Variants in RBFOX1 observed in about 807,000 individuals in gnomAD.
The protein encoded by RBFOX1 is RNA binding fox-1 homolog 1, also known as RNA binding protein fox-1 homolog 1.
In RBFOX1, 8 loss-of-function variants were observed where a neutral mutation model predicts 57.7. The observed-to-expected ratio is 0.14, with a 90% confidence interval of 0.08 to 0.25. The LOEUF (loss-of-function observed/expected upper bound fraction) is 0.25, where lower values mean the gene tolerates loss of function less well. Among genes scored for constraint, RBFOX1 ranks in the 10% least tolerant of loss-of-function variants. RBFOX1 has a pLI of 1.00. For synonymous variants in RBFOX1, 326 were observed against 222.4 expected, an observed-to-expected ratio of 1.47 and a Z score of -4.15; for missense variants, 611 against 548.5, an observed-to-expected ratio of 1.11 and a Z score of -1.14.
intron 2 of RBFOX1, among the ~76,000 whole-genome samples, chr16:6,452,375 C>T (rs967175893): frequency 3.9e-5 from 6 of 151,934 alleles, no homozygotes; most frequent in African/African-American, 1.4e-4. Context: ...TGGCTCTCTT[C>T]TTTCCATGTC....
chr16:7,396,319 G>T (rs1187151967), intron 4 of RBFOX1, among the ~76,000 whole-genome samples: 11 of 152,182 alleles, frequency 7.2e-5, no homozygotes, highest in Admixed American at 6.5e-4. Context: ...CTGAGCAACA[G>T]TGTAAACGGG....
intron 4 of RBFOX1, among the ~76,000 whole-genome samples, chr16:7,205,272 C>CT (rs1159473252): frequency 6.6e-6 from 1 of 152,000 alleles, no homozygotes; most frequent in Non-Finnish European, 1.5e-5. Flanking sequence ...AATCCCAGTG[C>CT]TTAGGGAGGC....
intron 2 of RBFOX1, among the ~76,000 whole-genome samples, chr16:6,569,334 T>A (rs2097311942): frequency 6.6e-6 from 1 of 152,226 alleles, no homozygotes; most frequent in Non-Finnish European, 1.5e-5. Flanking sequence ...CCTAGTAGTA[T>A]CTACCTCATG....
intron 2 of RBFOX1, among the ~76,000 whole-genome samples, chr16:6,606,881 G>A (rs192510690): frequency 8.5e-5 from 13 of 152,228 alleles, no homozygotes; most frequent in Admixed American, 7.2e-4. Flanking sequence ...CCAGTAATAG[G>A]ATTGCTGGGT....
chr16:7,609,649 G>A (rs934326526), intron 10 of RBFOX1, among the ~76,000 whole-genome samples: 9 of 152,118 alleles, frequency 5.9e-5, no homozygotes, highest in South Asian at 2.1e-4. Context: ...TGTATTTAAT[G>A]CTCATGGCGA....
At chr16:6,985,172 G>C (rs896165893) in intron 3 of RBFOX1, among the ~76,000 whole-genome samples, 2 of 134,600 alleles carry the variant, frequency 1.5e-5, no homozygotes, top group African/African-American at 5.5e-5. Flanking sequence ...AGCATAGTAT[G>C]GTTTAAAATG....
At chr16:6,460,545 G>A (rs1387110502) in intron 2 of RBFOX1, among the ~76,000 whole-genome samples, 1 of 151,874 alleles carries the variant, frequency 6.6e-6, no homozygotes, top group Non-Finnish European at 1.5e-5. Flanking sequence ...ACCACAATGA[G>A]ATACCATCTC....
intron 3 of RBFOX1, among the ~76,000 whole-genome samples, chr16:6,755,782 C>T (rs575644570): frequency 6.6e-6 from 1 of 152,130 alleles, no homozygotes; most frequent in South Asian, 2.1e-4. Context: ...TTTTCTTCTC[C>T]CCTTCTTTTA....
intron 2 of RBFOX1, among the ~76,000 whole-genome samples, chr16:5,498,595 G>T (rs2043082011): frequency 6.6e-6 from 1 of 152,200 alleles, no homozygotes; most frequent in African/African-American, 2.4e-5. Context: ...AGATGTTTTA[G>T]GAGGCTGTGG....
chr16:5,358,011 T>A (rs1363273594), intron 1 of RBFOX1, among the ~76,000 whole-genome samples: 1 of 152,206 alleles, frequency 6.6e-6, no homozygotes, highest in African/African-American at 2.4e-5. Context: ...ACTGGGTGGC[T>A]TAAATGACAC....
chr16:6,114,728 A>T (rs2096481567), intron 1 of RBFOX1, among the ~76,000 whole-genome samples: 1 of 152,172 alleles, frequency 6.6e-6, no homozygotes, highest in South Asian at 2.1e-4. Flanking sequence ...ACTAATGGCT[A>T]GTGATGCAGG....
intron 4 of RBFOX1, among the ~76,000 whole-genome samples, chr16:5,891,266 C>T (rs955736629): frequency 1.2e-4 from 19 of 152,120 alleles, no homozygotes; most frequent in African/African-American, 4.6e-4. Flanking sequence ...GCCAAGGGCA[C>T]GGGAGGAGCT....
chr16:7,400,484 T>C (rs755280458), intron 4 of RBFOX1, among the ~76,000 whole-genome samples: 27 of 152,152 alleles, frequency 1.8e-4, no homozygotes, highest in Admixed American at 1.1e-3. Context: ...AAATTTATAG[T>C]GAAAGCTACC....
At chr16:5,380,526 C>T (rs1278329720) in intron 1 of RBFOX1, among the ~76,000 whole-genome samples, 1 of 152,200 alleles carries the variant, frequency 6.6e-6, no homozygotes, top group Non-Finnish European at 1.5e-5. Flanking sequence ...GTCTCCAAGT[C>T]TTCATGCCAA....
In RBFOX1 at chr16:6,883,348, T is replaced by A. The variant is rs547150774; in HGVS notation, c.-15-168709T>A. Among the ~76,000 whole-genome samples, 6 of 152,304 alleles carry A rather than the reference T, an allele frequency of 3.9e-5. No homozygotes were observed. The South Asian group carries it at 1.2e-3, about 32-fold the overall frequency. Reference sequence around the variant, plus strand: ...AATGAGTTAATAAGGCAGATCTGTTTGTAAAAGAGTATAATCAAGTAAATC... The same window carrying A: ...AATGAGTTAATAAGGCAGATCTGTTAGTAAAAGAGTATAATCAAGTAAATC... On this transcript the variant is annotated intron_variant, in intron 3 of 15. Transcript: ENST00000550418.
intron 3 of RBFOX1, among the ~76,000 whole-genome samples, chr16:5,655,310 C>G (rs1032786291): frequency 6.6e-6 from 1 of 152,138 alleles, no homozygotes; most frequent in Non-Finnish European, 1.5e-5. Context: ...AGTTTTCACC[C>G]ATTTCATGCG....
At chr16:6,782,102 G>C (rs984034532) in intron 3 of RBFOX1, among the ~76,000 whole-genome samples, 5 of 152,060 alleles carry the variant, frequency 3.3e-5, no homozygotes, top group African/African-American at 1.2e-4. Context: ...CGCCTCCTGG[G>C]TTCACGTGAT....
chr16:6,652,991 A>G (rs376631872), intron 2 of RBFOX1, among the ~76,000 whole-genome samples: 1 of 152,028 alleles, frequency 6.6e-6, no homozygotes, highest in Non-Finnish European at 1.5e-5. Flanking sequence ...CTGTGATCTC[A>G]TTCCCCTTTA....
intron 4 of RBFOX1, among the ~76,000 whole-genome samples, chr16:7,153,024 AT>A (rs1295670639): frequency 5.9e-5 from 9 of 152,046 alleles, no homozygotes; most frequent in Non-Finnish European, 1.3e-4. Context: ...ATTCTAATAT[AT>A]TTTTTTGTTT....
Sources: gnomAD v4.1 joint callset for allele counts (sites outside exome capture counted in the v4.1 genomes callset) on GRCh38, gnomAD v4.1.1 for gene constraint, MANE v1.5 for transcripts, NCBI Gene and HGNC (gene_info 2026-07-23, HGNC 2026-07-21) for gene names.